The following ITIH5 variants were observed in gnomAD, a reference collection of about 807,000 sequenced individuals.
ITIH5 encodes inter-alpha-trypsin inhibitor heavy chain 5.
A neutral mutation model predicts 77.5 loss-of-function variants in ITIH5; 65 were observed. The ratio of observed to expected loss-of-function variants is 0.84; its 90% confidence interval spans 0.69 to 1.03. The LOEUF (loss-of-function observed/expected upper bound fraction) is 1.03. Among genes scored for constraint, ITIH5 ranks in the 50% least tolerant of loss-of-function variants. The pLI, the probability that ITIH5 is intolerant of heterozygous loss-of-function variation, is 0.00. For missense variants in ITIH5, 1,208 were observed against 1,213.1 expected (o/e 1.00, Z 0.06); for synonymous variants, 525 against 494.3 (o/e 1.06, Z -0.82).
In ITIH5 at chr10:7,617,196, C is replaced by T. The variant is rs1564262735; in HGVS notation, c.739G>A (p.Ala247Thr). Residue 247 changes from alanine (A) to threonine (T), a missense_variant, in exon 6 of 14, where the codon GCC becomes ACC. Transcript: ENST00000397146. ...AAAATTCCATTCTGGGCAATCCTGG[C>T]TTGTTGTACTACAGTAGGTTTAAAA... is the stretch of plus-strand genomic sequence containing the variant. ...IIFKPTVVQQ[A>T]RIAQNGILGD... 3 of 1,607,338 alleles carry T rather than the reference C, an allele frequency of 1.9e-6. No individual in the cohort carries two copies.
At chr10:7,637,555 A>G (rs562854318) in intron 4 of ITIH5, 77 bp from the exon 5 acceptor site, 2 of 1,411,252 alleles carry the variant, frequency 1.4e-6, no homozygotes, top group African/African-American at 1.4e-5. Context: ...CCCACAGGGC[A>G]CCAGCCATAC....
intron 11 of ITIH5, chr10:7,572,173 T>G (rs1832314144): frequency 5.0e-6 from 6 of 1,193,640 alleles, no homozygotes; most frequent in Non-Finnish European, 6.4e-6. Flanking sequence ...GGACTCTATA[T>G]CCACAGCTCA....
chr10:7,635,040 T>G (rs1291912192), intron 5 of ITIH5, among the ~76,000 whole-genome samples: 1 of 152,178 alleles, frequency 6.6e-6, no homozygotes, highest in East Asian at 1.9e-4. Context: ...CTTCCCACCT[T>G]GGCCTCCCAA....
chr10:7,592,098 C>T (rs1205298369), intron 7 of ITIH5, among the ~76,000 whole-genome samples: 4 of 152,024 alleles, frequency 2.6e-5, no homozygotes, highest in African/African-American at 4.8e-5. Flanking sequence ...ATCGATCTCT[C>T]GACCTGGTGA....
chr10:7,564,375 C>T lies in ITIH5; in HGVS notation c.2528-991G>A, dbSNP rs117425207. ...TTTTCATGTTACATATATAGTCATG[C>T]ACCACATCATGACATTTTAATCAAT... On this transcript the variant is annotated intron_variant, in intron 13 of 13. Transcript: ENST00000397146. Among the ~76,000 whole-genome samples the T allele has an allele frequency of 1.5e-3, 236 of 152,282 alleles. 1 individual carries two copies. The highest frequency in any genetic ancestry group is 2.9e-3 in the Admixed American group (44 of 15,304).
intron 2 of ITIH5, among the ~76,000 whole-genome samples, chr10:7,643,058 C>A (rs1204308793): frequency 6.6e-6 from 1 of 152,086 alleles, no homozygotes; most frequent in Non-Finnish European, 1.5e-5. Flanking sequence ...GGTGGGGTCT[C>A]TATGATGGGA....
At chr10:7,640,110 G>T (rs900308089) in intron 4 of ITIH5, among the ~76,000 whole-genome samples, 1 of 119,804 alleles carries the variant, frequency 8.3e-6, no homozygotes, top group Non-Finnish European at 1.7e-5. Flanking sequence ...ATTTTTTGAA[G>T]TATGACTATC....
intron 10 of ITIH5, among the ~76,000 whole-genome samples, chr10:7,575,700 G>A (rs993360042): frequency 6.6e-6 from 1 of 151,982 alleles, no homozygotes; most frequent in African/African-American, 2.4e-5. Flanking sequence ...TCCGTACCTT[G>A]GTCCTTCCCA....
At chr10:7,590,241 A>G (rs769887341) in intron 7 of ITIH5, among the ~76,000 whole-genome samples, 2 of 152,184 alleles carry the variant, frequency 1.3e-5, no homozygotes, top group Non-Finnish European at 2.9e-5. Context: ...CCAAGGCGGA[A>G]GCCTGGATGT....
intron 2 of ITIH5, 31 bp from the exon 3 acceptor site, chr10:7,642,121 G>A: frequency 6.3e-7 from 1 of 1,576,662 alleles, no homozygotes; most frequent in Non-Finnish European, 8.7e-7. Context: ...AGTATCATCG[G>A]TGATGCATGA....
At chr10:7,609,901 G>A (rs898062444) in intron 7 of ITIH5, among the ~76,000 whole-genome samples, 1 of 151,954 alleles carries the variant, frequency 6.6e-6, no homozygotes, top group African/African-American at 2.4e-5. Context: ...GGAAAGGAAA[G>A]ACAAGAAAGT....
At chr10:7,622,554 A>G (rs1833490933) in intron 5 of ITIH5, 1 of 152,224 alleles carries the variant, frequency 6.6e-6, no homozygotes, top group Non-Finnish European at 1.5e-5. Flanking sequence ...CTTGGATAAC[A>G]TACAGTTCAC....
chr10:7,619,560 A>G (rs962959608), intron 5 of ITIH5: 25 of 370,762 alleles, frequency 6.7e-5, no homozygotes, highest in African/African-American at 4.8e-4. Context: ...TTTATACAGA[A>G]AAGAGGTTTA....
chr10:7,580,335 G>T (rs1250187680), intron 8 of ITIH5, among the ~76,000 whole-genome samples: 2 of 152,118 alleles, frequency 1.3e-5, no homozygotes, highest in Non-Finnish European at 2.9e-5. Context: ...GGCCAGGCTG[G>T]TCTCAAACTC....
chr10:7,593,040 T>A (rs1471328988), intron 7 of ITIH5, among the ~76,000 whole-genome samples: 1 of 152,122 alleles, frequency 6.6e-6, no homozygotes, highest in Non-Finnish European at 1.5e-5. Flanking sequence ...TCCTTGGGGA[T>A]CCTTCACAGT....
At chr10:7,571,009 C>T (rs1302234573) in intron 11 of ITIH5, among the ~76,000 whole-genome samples, 3 of 152,200 alleles carry the variant, frequency 2.0e-5, no homozygotes, top group Admixed American at 6.5e-5. Context: ...AGGGGCCAGG[C>T]AGAGTCCACT....
At position 7,659,243 on chromosome 10, in the gene ITIH5, G is replaced by A. The variant is rs138818553; in HGVS notation, c.91-3568C>T. On this transcript the variant is annotated intron_variant, in intron 1 of 13. Coordinates refer to ENST00000397146, the MANE Select transcript of ITIH5 (RefSeq NM_030569.7). The stretch of plus-strand genomic sequence containing the variant: ...AAAAGACAAAAATTAGCTGGGCGTC[G>A]TGGCACACACCTATATTCCCAGCTA... 7.5e-3 allele frequency among the ~76,000 whole-genome samples: 1,137 copies of A among 152,052 alleles called. 15 individuals are homozygous for A. The highest frequency in any genetic ancestry group is 0.043 in the South Asian group (209 of 4,812).
intron 2 of ITIH5, among the ~76,000 whole-genome samples, chr10:7,645,981 A>G (rs372809501): frequency 6.6e-6 from 1 of 152,244 alleles, no homozygotes; most frequent in Non-Finnish European, 1.5e-5. Flanking sequence ...GAATAAGACC[A>G]TGAATTGAGA....
chr10:7,607,418 G>A (rs1310401945), intron 7 of ITIH5, among the ~76,000 whole-genome samples: 2 of 152,146 alleles, frequency 1.3e-5, no homozygotes, highest in African/African-American at 2.4e-5. Flanking sequence ...AGCCAAGGTG[G>A]GAGGATCGCT....
Sources: gnomAD v4.1 joint callset for allele counts (sites outside exome capture counted in the v4.1 genomes callset) on GRCh38, gnomAD v4.1.1 for gene constraint, MANE v1.5 for transcripts, NCBI Gene and HGNC (gene_info 2026-07-23, HGNC 2026-07-21) for gene names.